Variants in ZNF727 observed in about 807,000 individuals in gnomAD.
The protein encoded by ZNF727 is putative zinc finger protein 727.
ZNF727 carries 11 observed loss-of-function variants against 11.5 expected under a neutral mutation model. The ratio of observed to expected loss-of-function variants is 0.95; its 90% CI spans 0.60 to 1.58. The LOEUF (loss-of-function observed/expected upper bound fraction) is 1.58. Ranked by LOEUF, ZNF727 falls within the 40% of genes most tolerant of loss-of-function variation. The probability of loss-of-function intolerance (pLI) is 0.00; values close to 1 mark genes in which losing one functional copy is unlikely to be tolerated. For synonymous variants in ZNF727, 171 were observed against 196.1 expected, an observed-to-expected ratio of 0.87 and a Z score of 1.07; for missense variants, 533 against 581.7, an observed-to-expected ratio of 0.92 and a Z score of 0.86.
chr7:64,072,013 A>G (rs1407766932), intron 3 of ZNF727, among the ~76,000 whole-genome samples: 1 of 152,162 alleles, frequency 6.6e-6, no homozygotes, highest in African/African-American at 2.4e-5. Context: ...ATTAGAAAGT[A>G]TAATGCCCCT....
At chr7:64,054,520 G>C (rs188863272) in intron 1 of ZNF727, among the ~76,000 whole-genome samples, 1 of 152,254 alleles carries the variant, frequency 6.6e-6, no homozygotes, top group Non-Finnish European at 1.5e-5. Flanking sequence ...TGCTCTGTCT[G>C]TTATTTTGCT....
Position 64,068,876 on chromosome 7 carries a change from T to C in ZNF727, c.4-15T>C, listed in dbSNP as rs1421904023. On this transcript the variant is annotated splice_polypyrimidine_tract_variant and intron_variant, in intron 1 of 3. Coordinates refer to ENST00000456806, the MANE Select transcript of ZNF727 (RefSeq NM_001159522.3). ...TATTTCTTTGGTCACTTGGTAAATA[T>C]GTTTTGTTTTTCAGCGAGTGCTAAC... 1.9e-6 allele frequency: 3 copies of C among 1,573,830 alleles called. No individual in the cohort carries two copies. The African/African-American group carries it at 4.1e-5, about 21-fold the overall frequency.
At chr7:64,046,126 C>T (rs1054188983) in intron 1 of ZNF727, among the ~76,000 whole-genome samples, 7 of 152,160 alleles carry the variant, frequency 4.6e-5, no homozygotes, top group African/African-American at 1.7e-4. Context: ...GATGATCCTC[C>T]CACCCCAGCT....
At chr7:64,059,063 A>G (rs1048384713) in intron 1 of ZNF727, among the ~76,000 whole-genome samples, 4 of 151,022 alleles carry the variant, frequency 2.6e-5, no homozygotes, top group African/African-American at 2.4e-5. Flanking sequence ...TCCTGCCTCA[A>G]CCTCTTGAGT....
intron 1 of ZNF727, among the ~76,000 whole-genome samples, chr7:64,047,767 C>G (rs1789531887): frequency 6.6e-6 from 1 of 152,162 alleles, no homozygotes. Context: ...CCTCTCAACC[C>G]TAGCTTTCCT....
chr7:64,049,470 C>T (rs1459057930), intron 1 of ZNF727, among the ~76,000 whole-genome samples: 1 of 151,892 alleles, frequency 6.6e-6, no homozygotes, highest in Non-Finnish European at 1.5e-5. Context: ...AAAATTGTTT[C>T]TCTCCTTAAC....
At chr7:64,053,588 G>C (rs1789636450) in intron 1 of ZNF727, among the ~76,000 whole-genome samples, 1 of 151,992 alleles carries the variant, frequency 6.6e-6, no homozygotes, top group South Asian at 2.1e-4. Context: ...CAAAGTGCTG[G>C]GATTACAGGC....
In ZNF727 at chr7:64,045,593, A is replaced by G. The variant is rs1312084964; in HGVS notation, c.-29A>G. The stretch of plus-strand genomic sequence containing the variant: ...TGCAGGTACTGGGAGATCCATAGGG[A>G]AGAAGGCGGAACATCCGGAGGCTGG... On this transcript the variant is annotated 5_prime_UTR_variant, in exon 1 of 4. Coordinates refer to ENST00000456806, the MANE Select transcript of ZNF727 (RefSeq NM_001159522.3). The G allele has an allele frequency of 1.3e-6, 2 of 1,554,376 alleles. No homozygotes were observed. The highest frequency in any genetic ancestry group is 1.7e-6 in the Non-Finnish European group (2 of 1,148,512).
chr7:64,061,969 A>G (rs1393064856), intron 1 of ZNF727, among the ~76,000 whole-genome samples: 1 of 152,082 alleles, frequency 6.6e-6, no homozygotes, highest in African/African-American at 2.4e-5. Flanking sequence ...TGAACAAACA[A>G]GCAAAGAGAA....
At chr7:64,048,575 A>G (rs1789544657) in intron 1 of ZNF727, among the ~76,000 whole-genome samples, 1 of 152,210 alleles carries the variant, frequency 6.6e-6, no homozygotes, top group Non-Finnish European at 1.5e-5. Flanking sequence ...TTCATAGGAA[A>G]TATTTATGTG....
Position 64,083,231 on chromosome 7 carries a change from G to A in ZNF727, c.*4682G>A, listed in dbSNP as rs920704781. Reference sequence around the variant, plus strand: ...GTGCTAGGAGATCCTTTCTGTCCCCGATCAGCTTGGGCTCTTCAACACATG... The same window carrying A: ...GTGCTAGGAGATCCTTTCTGTCCCCAATCAGCTTGGGCTCTTCAACACATG... On this transcript the variant is annotated 3_prime_UTR_variant, in exon 4 of 4. Coordinates refer to ENST00000456806, the MANE Select transcript of ZNF727 (RefSeq NM_001159522.3). Among the ~76,000 whole-genome samples the A allele has an allele frequency of 8.5e-5, 13 of 152,244 alleles. No individual in the cohort carries two copies. Among genetic ancestry groups the A allele is most frequent in the East Asian group, 5.8e-4 (3 of 5,152 alleles).
intron 1 of ZNF727, among the ~76,000 whole-genome samples, chr7:64,051,628 G>A (rs1789599739): frequency 6.6e-6 from 1 of 152,200 alleles, no homozygotes; most frequent in East Asian, 1.9e-4. Flanking sequence ...TTGAGGTTTG[G>A]TCTAAAAAAC....
chr7:64,047,439 C>T (rs1789526473), intron 1 of ZNF727, among the ~76,000 whole-genome samples: 1 of 152,216 alleles, frequency 6.6e-6, no homozygotes, highest in African/African-American at 2.4e-5. Context: ...CGCATCTCCT[C>T]TCATCTTCTC....
At chr7:64,050,180 A>G (rs553747982) in intron 1 of ZNF727, among the ~76,000 whole-genome samples, 80 of 152,174 alleles carry the variant, frequency 5.3e-4, no homozygotes, top group East Asian at 3.9e-4. Context: ...CTTGAAAAAT[A>G]TTTGGGCTTT....
Position 64,079,980 on chromosome 7 carries a change from C to A in ZNF727, c.*1431C>A, listed in dbSNP as rs941858631. Among the ~76,000 whole-genome samples, 15 of 152,138 alleles carry A rather than the reference C, an allele frequency of 9.9e-5. No individual in the cohort carries two copies. Among genetic ancestry groups the A allele is most frequent in the African/African-American group, 3.6e-4 (15 of 41,426 alleles). ...TTTTTTAAAGAAAGTTGAATATTGG[C>A]CATTAATCTCTTTTGACTTGAGGGA... On this transcript the variant is annotated 3_prime_UTR_variant, in exon 4 of 4. Transcript: ENST00000456806.
Position 64,084,594 on chromosome 7 carries a change from G to A in ZNF727, c.*6045G>A, listed in dbSNP as rs1484883720. Among the ~76,000 whole-genome samples the A allele has an allele frequency of 3.3e-5, 5 of 152,050 alleles. No homozygotes were observed. The highest frequency in any genetic ancestry group is 3.3e-4 in the Admixed American group (5 of 15,256). ...ATTTTTGTTTTTCTTGTAACTACAG[G>A]TTATTATGATGTTTGTAATGAAGAT... On this transcript the variant is annotated 3_prime_UTR_variant, in exon 4 of 4. Coordinates refer to ENST00000456806, the MANE Select transcript of ZNF727 (RefSeq NM_001159522.3).
intron 1 of ZNF727, among the ~76,000 whole-genome samples, chr7:64,068,422 C>T (rs1789905287): frequency 2.6e-5 from 4 of 152,076 alleles, no homozygotes; most frequent in Admixed American, 2.6e-4. Context: ...GGGCCAGAAG[C>T]AATGATACCA....
In ZNF727 at chr7:64,080,235, G is replaced by A. The variant is rs536037372; in HGVS notation, c.*1686G>A. Among the ~76,000 whole-genome samples the A allele has an allele frequency of 2.2e-4, 33 of 152,222 alleles. No individual in the cohort carries two copies. Among genetic ancestry groups the A allele is most frequent in the Non-Finnish European group, 4.3e-4 (29 of 68,010 alleles). Reference sequence around the variant, plus strand: ...GGGAAATTCTCATGGATGGTATCCCGAAATATGTATTTCAAGTTGTTTTCA... The same window carrying A: ...GGGAAATTCTCATGGATGGTATCCCAAAATATGTATTTCAAGTTGTTTTCA... On this transcript the variant is annotated 3_prime_UTR_variant, in exon 4 of 4. Transcript: ENST00000456806.
At chr7:64,059,624 C>G (rs555073067) in intron 1 of ZNF727, among the ~76,000 whole-genome samples, 1 of 152,092 alleles carries the variant, frequency 6.6e-6, no homozygotes, top group Non-Finnish European at 1.5e-5. Context: ...CTGACTAAAC[C>G]CTCTTTCATG....
Sources: gnomAD v4.1 joint callset for allele counts (sites outside exome capture counted in the v4.1 genomes callset) on GRCh38, gnomAD v4.1.1 for gene constraint, MANE v1.5 for transcripts, NCBI Gene and HGNC (gene_info 2026-07-23, HGNC 2026-07-21) for gene names.